The following PCBP3 variants were observed in gnomAD, a reference collection of about 807,000 sequenced individuals.
The protein encoded by PCBP3 is poly(rC)-binding protein 3.
In PCBP3, 25 loss-of-function variants were observed where a neutral mutation model predicts 52.7. The ratio of observed to expected loss-of-function variants is 0.47; its 90% confidence interval spans 0.35 to 0.66. The LOEUF is 0.66. Ranked by LOEUF, PCBP3 falls within the 30% of genes least tolerant of loss-of-function variation. The pLI is 0.01. For missense variants in PCBP3, 391 were observed against 490.3 expected, an observed-to-expected ratio of 0.80 and a Z score of 1.91; for synonymous variants, 162 against 183.0, an observed-to-expected ratio of 0.89 and a Z score of 0.93.
intron 9 of PCBP3, among the ~76,000 whole-genome samples, chr21:45,903,319 ATG>A (rs2096115062): frequency 6.6e-6 from 1 of 152,138 alleles, no homozygotes; most frequent in South Asian, 2.1e-4. Flanking sequence ...TAAGTTTTGA[ATG>A]ACCTAGGGAC....
chr21:45,739,007 T>A (rs143549714), intron 3 of PCBP3, among the ~76,000 whole-genome samples: 3,166 of 90,472 alleles, frequency 0.035, 205 homozygotes, highest in Middle Eastern at 0.068. Flanking sequence ...CTGTCCACGG[T>A]CCTCTGGGTG....
rs2093897933 is a variant in PCBP3, at chr21:45,849,207, TTTTC to T, written c.-125-750_-125-747del. Reference sequence around the variant, plus strand: ...AGGTTCCAAATATGCCTTTTTTTTTTTTTCTTTTTTGAGACGGAGTCTCACTCAC... The same window carrying T: ...AGGTTCCAAATATGCCTTTTTTTTTTTTTTTTGAGACGGAGTCTCACTCAC... On this transcript the variant is annotated intron_variant, in intron 4 of 17. Transcript: ENST00000681687. 1.3e-5 allele frequency among the ~76,000 whole-genome samples: 2 copies of T among 149,624 alleles called. 1 individual carries two copies. Among genetic ancestry groups the T allele is most frequent in the Non-Finnish European group, 3.0e-5 (2 of 67,208 alleles).
intron 5 of PCBP3, among the ~76,000 whole-genome samples, chr21:45,868,411 C>CTTTTTTTTTTTTTTTT: frequency 8.8e-6 from 1 of 113,676 alleles, no homozygotes; most frequent in Non-Finnish European, 1.8e-5. Flanking sequence ...CTTATTTGTT[C>CTTTTTTTTTTTTTTTT]TTTTTTTTTT....
At chr21:45,738,788 AC>A (rs1217455677) in intron 3 of PCBP3, among the ~76,000 whole-genome samples, 1 of 82,700 alleles carries the variant, frequency 1.2e-5, no homozygotes, top group East Asian at 3.6e-4. Flanking sequence ...TCATCAGCCC[AC>A]CCCTTCTTGT....
chr21:45,875,719 C>T (rs2095237582), intron 5 of PCBP3, among the ~76,000 whole-genome samples: 1 of 152,226 alleles, frequency 6.6e-6, no homozygotes, highest in South Asian at 2.1e-4. Flanking sequence ...ACCGCTCATT[C>T]GCAGCCTCTC....
At chr21:45,739,227 C>T (rs1453593963) in intron 3 of PCBP3, among the ~76,000 whole-genome samples, 4 of 137,196 alleles carry the variant, frequency 2.9e-5, no homozygotes, top group Non-Finnish European at 6.3e-5. Flanking sequence ...TGGGTGGCAC[C>T]CCCCATCTTC....
chr21:45,812,452 C>T (rs2092709396), intron 4 of PCBP3, among the ~76,000 whole-genome samples: 1 of 152,172 alleles, frequency 6.6e-6, no homozygotes, highest in Non-Finnish European at 1.5e-5. Context: ...GTTGTGCAGG[C>T]TGGAGTGCAG....
At chr21:45,852,018 G>A (rs1420422246) in intron 5 of PCBP3, among the ~76,000 whole-genome samples, 2 of 152,222 alleles carry the variant, frequency 1.3e-5, no homozygotes, top group Non-Finnish European at 2.9e-5. Flanking sequence ...GACAGGAGGA[G>A]TAAATTCTGG....
chr21:45,762,103 TATC>T (rs149523592), intron 4 of PCBP3: 5,705 of 152,334 alleles, frequency 0.037, 129 homozygotes, highest in Middle Eastern at 0.14. Flanking sequence ...AAATATGTAT[TATC>T]TAAGAGATTT....
chr21:45,742,624 G>A (rs1274233028), intron 3 of PCBP3, among the ~76,000 whole-genome samples: 4 of 152,036 alleles, frequency 2.6e-5, no homozygotes, highest in Non-Finnish European at 4.4e-5. Context: ...GATTTAATTA[G>A]GTGTATGTTC....
At chr21:45,674,353 T>C (rs1374391800) in intron 2 of PCBP3, among the ~76,000 whole-genome samples, 1 of 152,214 alleles carries the variant, frequency 6.6e-6, no homozygotes, top group Non-Finnish European at 1.5e-5. Context: ...CACTATACTT[T>C]CGTTCCGAGA....
At chr21:45,643,997 C>T (rs1603032502) in intron 1 of PCBP3, 129 bp downstream of exon 1, 1 of 149,116 alleles carries the variant, frequency 6.7e-6, no homozygotes, top group Middle Eastern at 3.4e-3. Context: ...CCGGGGCGGG[C>T]GGGGGTCCCG....
At chr21:45,652,373 A>G (rs975782507) in intron 1 of PCBP3, among the ~76,000 whole-genome samples, 3 of 152,016 alleles carry the variant, frequency 2.0e-5, no homozygotes, top group African/African-American at 7.3e-5. Context: ...CTACCCACAG[A>G]TGACTACTAT....
At position 45,903,084 on chromosome 21, in the gene PCBP3, A is replaced by G. The variant is rs377383415; in HGVS notation, c.339+1971A>G. Among the ~76,000 whole-genome samples, 50 of 152,290 alleles carry G rather than the reference A, an allele frequency of 3.3e-4. No individual in the cohort carries two copies. In the East Asian group the frequency reaches 8.1e-3, roughly 25 times the overall value. On this transcript the variant is annotated intron_variant, in intron 9 of 17. Transcript: ENST00000681687. ...GTACACAGAGAAGTCTCAGGATACC[A>G]TTCCTAAGATGTCTGAGGTATTCAT...
intron 13 of PCBP3, among the ~76,000 whole-genome samples, chr21:45,921,834 A>C (rs551996467): frequency 6.6e-6 from 1 of 152,042 alleles, no homozygotes; most frequent in African/African-American, 2.4e-5. Context: ...AAAAGGAGTC[A>C]TCGGCACTGA....
intron 4 of PCBP3, among the ~76,000 whole-genome samples, chr21:45,766,232 C>T (rs186859946): frequency 1.3e-5 from 2 of 152,344 alleles, no homozygotes; most frequent in Admixed American, 1.3e-4. Context: ...TGCTGTGCCT[C>T]ACATGACTTT....
intron 2 of PCBP3, among the ~76,000 whole-genome samples, chr21:45,717,147 T>C (rs929941011): frequency 8.5e-5 from 13 of 152,188 alleles, no homozygotes; most frequent in African/African-American, 2.7e-4. Context: ...TATTTTTGGA[T>C]TGTTCATTGC....
At chr21:45,926,071 G>GT (rs1234642598) in intron 13 of PCBP3, among the ~76,000 whole-genome samples, 1 of 152,182 alleles carries the variant, frequency 6.6e-6, no homozygotes, top group Non-Finnish European at 1.5e-5. Context: ...AATTGGAATC[G>GT]TATCGACCAC....
At chr21:45,854,745 G>A (rs1466594954) in intron 5 of PCBP3, among the ~76,000 whole-genome samples, 1 of 152,212 alleles carries the variant, frequency 6.6e-6, no homozygotes, top group Admixed American at 6.5e-5. Context: ...GTAAATAGAA[G>A]TGTTTTCTTA....
Sources: gnomAD v4.1 joint callset for allele counts (sites outside exome capture counted in the v4.1 genomes callset) on GRCh38, gnomAD v4.1.1 for gene constraint, MANE v1.5 for transcripts, NCBI Gene and HGNC (gene_info 2026-07-23, HGNC 2026-07-21) for gene names.